The following CNTN1 variants were observed in gnomAD, a reference collection of about 807,000 sequenced individuals.
The protein encoded by CNTN1 is contactin 1, also known as contactin-1.
CNTN1 carries 38 observed loss-of-function variants against 126.4 expected under a neutral mutation model. That is an observed-to-expected ratio of 0.30 (90% confidence interval 0.23 to 0.39). The LOEUF (loss-of-function observed/expected upper bound fraction) is 0.39. CNTN1 is among the 10% of genes least tolerant of loss of function. CNTN1 has a pLI of 1.00. For missense variants in CNTN1, 1,009 were observed against 1,248.4 expected (o/e 0.81, Z 2.89); for synonymous variants, 413 against 422.6 (o/e 0.98, Z 0.28).
At chr12:40,948,258 C>CTTTTTTTTT (rs58087551) in intron 14 of CNTN1, among the ~76,000 whole-genome samples, 649 of 62,594 alleles carry the variant, frequency 0.01, 6 homozygotes, top group African/African-American at 0.013. Flanking sequence ...TTCTTTCTTT[C>CTTTTTTTTT]TTTTTTTTTT....
chr12:41,038,246 A>T (rs1949313281), intron 23 of CNTN1, among the ~76,000 whole-genome samples: 1 of 152,188 alleles, frequency 6.6e-6, no homozygotes, highest in African/African-American at 2.4e-5. Context: ...AAGAAGGTTG[A>T]AGTAGTTGAG....
intron 1 of CNTN1, among the ~76,000 whole-genome samples, chr12:40,772,964 G>A (rs576247085): frequency 3.1e-4 from 47 of 151,926 alleles, no homozygotes; most frequent in Non-Finnish European, 5.8e-4. Context: ...TATACATATC[G>A]TGTGTGCGAA....
chr12:41,065,624 T>A (rs1178311454), intron 23 of CNTN1, among the ~76,000 whole-genome samples: 1 of 152,128 alleles, frequency 6.6e-6, no homozygotes, highest in Non-Finnish European at 1.5e-5. Context: ...GAAGTGGGAA[T>A]AGGAGAAGCA....
intron 1 of CNTN1, among the ~76,000 whole-genome samples, chr12:40,813,607 G>T (rs926793390): frequency 6.6e-6 from 1 of 152,088 alleles, no homozygotes; most frequent in Non-Finnish European, 1.5e-5. Flanking sequence ...GTGGGCATTT[G>T]GGTGGGTTCC....
intron 23 of CNTN1, among the ~76,000 whole-genome samples, chr12:41,056,219 A>G (rs1949798065): frequency 6.6e-6 from 1 of 152,168 alleles, no homozygotes; most frequent in South Asian, 2.1e-4. Context: ...ATATTTATTT[A>G]TAATAGCAAT....
chr12:40,810,568 C>T (rs1026217250), intron 1 of CNTN1, among the ~76,000 whole-genome samples: 1 of 150,504 alleles, frequency 6.6e-6, no homozygotes, highest in Non-Finnish European at 1.5e-5. Context: ...TAGTACCTAA[C>T]CTTCTATTCT....
intron 1 of CNTN1, among the ~76,000 whole-genome samples, chr12:40,786,024 G>A (rs1454649308): frequency 2.0e-5 from 3 of 152,244 alleles, no homozygotes; most frequent in Admixed American, 6.5e-5. Flanking sequence ...AAATTATCAC[G>A]CACATTGTGT....
At chr12:40,737,357 G>GTATATATATATATATATATATATA (rs773215644) in intron 1 of CNTN1, among the ~76,000 whole-genome samples, 19 of 105,078 alleles carry the variant, frequency 1.8e-4, no homozygotes, top group Non-Finnish European at 2.6e-4. Context: ...ATATGTGTGT[G>GTATATATATATATATATATATATA]TGTATATATA....
chr12:40,941,541 A>C (rs1420632988), intron 12 of CNTN1, among the ~76,000 whole-genome samples: 80 of 152,070 alleles, frequency 5.3e-4, no homozygotes, highest in Non-Finnish European at 7.4e-5. Context: ...GATAAATAGT[A>C]ATTAGGTTTT....
intron 1 of CNTN1, among the ~76,000 whole-genome samples, chr12:40,692,964 G>A (rs925313423): frequency 6.6e-6 from 1 of 152,166 alleles, no homozygotes; most frequent in Non-Finnish European, 1.5e-5. Flanking sequence ...CAGAGAGGTC[G>A]GCAGCCCGGG....
chr12:40,943,647 A>G lies in CNTN1; in HGVS notation c.1430A>G (p.Asn477Ser). The G allele has an allele frequency of 6.2e-7, 1 of 1,603,976 alleles. No individual in the cohort carries two copies. The highest frequency in any genetic ancestry group is 8.5e-7 in the Non-Finnish European group (1 of 1,171,050). ...GSLEINNITR[N>S]DGGIYTCFAE... ...TTGGAAATCAACAACATTACAAGGA[A>G]TGATGGAGGTATCTATACATGCTTT... Residue 477 changes from asparagine (N) to serine (S), a missense_variant, in exon 13 of 24, where the codon AAT (asparagine) becomes AGT (serine). Physicochemically the swap from Asn to Ser is conservative, Grantham distance 46. Transcript: ENST00000551295.
intron 17 of CNTN1, among the ~76,000 whole-genome samples, chr12:40,996,636 A>T (rs538858253): frequency 1.3e-5 from 2 of 152,294 alleles, no homozygotes; most frequent in South Asian, 2.1e-4. Context: ...GTAATGGATT[A>T]CCCATTTAGC....
intron 23 of CNTN1, among the ~76,000 whole-genome samples, chr12:41,053,728 T>A (rs1487781939): frequency 6.6e-6 from 1 of 151,402 alleles, no homozygotes; most frequent in Non-Finnish European, 1.5e-5. Context: ...TTACAAATAA[T>A]ATAATGCTAG....
At chr12:40,941,523 T>A (rs924886455) in intron 12 of CNTN1, among the ~76,000 whole-genome samples, 41 of 152,168 alleles carry the variant, frequency 2.7e-4, no homozygotes, top group Non-Finnish European at 4.4e-4. Context: ...GAAGAAGCTA[T>A]GTATCTTGAT....
chr12:40,738,706 A>T (rs546957467), intron 1 of CNTN1, among the ~76,000 whole-genome samples: 1 of 152,096 alleles, frequency 6.6e-6, no homozygotes, highest in African/African-American at 2.4e-5. Context: ...GAAAATCTCA[A>T]TAGTCAATAA....
At position 41,069,455 on chromosome 12, in the gene CNTN1, C is replaced by G. The variant is rs148516369; in HGVS notation, c.2981-504C>G. 6.7e-3 allele frequency among the ~76,000 whole-genome samples: 1,014 copies of G among 151,820 alleles called. 13 individuals carry two copies. Among genetic ancestry groups the G allele is most frequent in the African/African-American group, 0.022 (925 of 41,352 alleles). On this transcript the variant is annotated intron_variant, in intron 23 of 23. Transcript: ENST00000551295. ...TTTTTTACATTTTATTATTATTATA[C>G]TTTAAGTTTTAGGGTACATGTGCAC...
intron 23 of CNTN1, among the ~76,000 whole-genome samples, chr12:41,029,997 A>G (rs1445531319): frequency 6.6e-6 from 1 of 151,888 alleles, no homozygotes; most frequent in African/African-American, 2.4e-5. Context: ...CTGAATTTCA[A>G]TAGATGTTAA....
At chr12:41,030,230 A>C (rs1407922432) in intron 23 of CNTN1, among the ~76,000 whole-genome samples, 1 of 152,048 alleles carries the variant, frequency 6.6e-6, no homozygotes, top group Admixed American at 6.6e-5. Flanking sequence ...TTTGATATAA[A>C]GAAATAAATA....
At chr12:40,991,167 T>G (rs1948086794) in intron 16 of CNTN1, among the ~76,000 whole-genome samples, 1 of 152,208 alleles carries the variant, frequency 6.6e-6, no homozygotes, top group Admixed American at 6.5e-5. Flanking sequence ...TCCTTGCTTC[T>G]TTCAGCTTCT....
Sources: allele counts gnomAD v4.1 joint callset (sites outside exome capture counted in the v4.1 genomes callset), GRCh38; gene constraint gnomAD v4.1.1; transcripts MANE v1.5; gene names NCBI Gene and HGNC (gene_info 2026-07-23, HGNC 2026-07-21).